Variants in MYH11 observed in about 807,000 individuals in gnomAD.
The protein encoded by MYH11 is myosin-11.
MYH11 carries 80 observed loss-of-function variants against 246.6 expected under a neutral mutation model. The ratio of observed to expected loss-of-function variants is 0.32; its 90% CI spans 0.27 to 0.39. The LOEUF is 0.39. Ranked by LOEUF, MYH11 falls within the 10% of genes least tolerant of loss-of-function variation. The pLI is 1.00. For missense variants in MYH11, 2,158 were observed against 2,546.8 expected, an observed-to-expected ratio of 0.85 and a Z score of 3.29; for synonymous variants, 1,071 against 1,015.5, an observed-to-expected ratio of 1.05 and a Z score of -1.04.
intron 2 of MYH11, among the ~76,000 whole-genome samples, chr16:15,831,464 G>GGTGTGTGT (rs59352444): frequency 0.23 from 33,111 of 145,436 alleles, 3,944 homozygotes; most frequent in Non-Finnish European, 0.25. Context: ...TTATGTTTGG[G>GGTGTGTGT]GTGTGTGTGT....
At chr16:15,841,310 G>A (rs2044044802) in intron 1 of MYH11, among the ~76,000 whole-genome samples, 1 of 152,108 alleles carries the variant, frequency 6.6e-6, no homozygotes, top group Non-Finnish European at 1.5e-5. Flanking sequence ...GCTAATTTTT[G>A]TATTTTTAGT....
intron 40 of MYH11, among the ~76,000 whole-genome samples, chr16:15,709,580 G>C (rs1350039222): frequency 6.6e-6 from 1 of 152,168 alleles, no homozygotes; most frequent in Non-Finnish European, 1.5e-5. Flanking sequence ...CTCCCAAAGA[G>C]CTGGGATTAC....
chr16:15,829,490 C>T (rs981310771), intron 2 of MYH11, among the ~76,000 whole-genome samples: 3 of 152,154 alleles, frequency 2.0e-5, no homozygotes, highest in Non-Finnish European at 4.4e-5. Context: ...GCTCTTCCTC[C>T]CACATTATTC....
chr16:15,784,774 A>G (rs1325756224), intron 5 of MYH11: 17 of 1,601,232 alleles, frequency 1.1e-5, no homozygotes, highest in Non-Finnish European at 1.5e-5. Flanking sequence ...CATCACATGG[A>G]CATCAGGGGC....
chr16:15,712,593 C>T (rs4781682), intron 40 of MYH11, among the ~76,000 whole-genome samples: 71,766 of 151,806 alleles, frequency 0.47, 18,211 homozygotes, highest in African/African-American at 0.67. Context: ...AAGACTCTGC[C>T]CAAAAGAGAA....
intron 3 of MYH11, among the ~76,000 whole-genome samples, chr16:15,815,430 C>A (rs182492782): frequency 6.6e-6 from 1 of 151,624 alleles, no homozygotes; most frequent in Non-Finnish European, 1.5e-5. Flanking sequence ...AAATTTAAAA[C>A]GCAATGGAAG....
intron 4 of MYH11, among the ~76,000 whole-genome samples, chr16:15,798,349 T>G (rs1389306437): frequency 6.6e-6 from 1 of 152,174 alleles, no homozygotes; most frequent in Admixed American, 6.5e-5. Context: ...ATATAAAATC[T>G]TTAGTTCAAG....
chr16:15,828,805 A>G (rs1453866704), intron 2 of MYH11, among the ~76,000 whole-genome samples: 1 of 146,814 alleles, frequency 6.8e-6, no homozygotes, highest in Non-Finnish European at 1.5e-5. Context: ...AAAAAAAAAG[A>G]AGGAAGGAAG....
intron 2 of MYH11, among the ~76,000 whole-genome samples, chr16:15,831,951 G>T (rs1420913116): frequency 6.6e-6 from 1 of 151,434 alleles, no homozygotes; most frequent in African/African-American, 2.4e-5. Flanking sequence ...AAAAAAAAAA[G>T]ATCAGAAGGG....
chr16:15,722,385 C>A (rs1232968947), intron 31 of MYH11, among the ~76,000 whole-genome samples: 1 of 152,164 alleles, frequency 6.6e-6, no homozygotes, highest in Admixed American at 6.5e-5. Context: ...AGAGAACATT[C>A]CATGCTCACG....
intron 4 of MYH11, among the ~76,000 whole-genome samples, chr16:15,788,333 A>G (rs2151309319): frequency 6.6e-6 from 1 of 151,764 alleles, no homozygotes; most frequent in Non-Finnish European, 1.5e-5. Flanking sequence ...TTAATACTCT[A>G]AAATATAAGA....
intron 3 of MYH11, among the ~76,000 whole-genome samples, chr16:15,813,274 A>G (rs1423491785): frequency 6.6e-6 from 1 of 152,144 alleles, no homozygotes; most frequent in African/African-American, 2.4e-5. Context: ...TGCTGAACCC[A>G]GGAGTTTGAG....
At chr16:15,711,341 A>T (rs1313215333) in intron 40 of MYH11, 1 of 152,012 alleles carries the variant, frequency 6.6e-6, no homozygotes, top group Admixed American at 6.6e-5. Context: ...TGTCAGAGAG[A>T]GTCTATTTGG....
intron 1 of MYH11, among the ~76,000 whole-genome samples, chr16:15,838,639 C>G (rs1217857209): frequency 6.6e-6 from 1 of 152,084 alleles, no homozygotes; most frequent in Non-Finnish European, 1.5e-5. Flanking sequence ...GTGGGCAAAT[C>G]ACTTGAGGCC....
intron 3 of MYH11, among the ~76,000 whole-genome samples, chr16:15,821,077 G>C (rs976769950): frequency 1.3e-5 from 2 of 152,102 alleles, no homozygotes; most frequent in Non-Finnish European, 2.9e-5. Context: ...TCGCCATATT[G>C]CCCAGGCTGG....
At chr16:15,754,984 C>G (rs1004061442) in intron 14 of MYH11, among the ~76,000 whole-genome samples, 8 of 152,240 alleles carry the variant, frequency 5.3e-5, no homozygotes, top group Admixed American at 5.2e-4. Flanking sequence ...CCAAGTCATA[C>G]AGTCTTTGTC....
chr16:15,732,520 A>G, intron 27 of MYH11, 44 bp downstream of exon 27: 2 of 1,613,888 alleles, frequency 1.2e-6, no homozygotes, highest in Non-Finnish European at 1.7e-6. Context: ...TGCTGATGTC[A>G]CTCTTATGTG....
intron 4 of MYH11, among the ~76,000 whole-genome samples, chr16:15,794,308 C>T (rs1353467897): frequency 6.6e-6 from 1 of 152,198 alleles, no homozygotes. Flanking sequence ...TCTTAAGCAC[C>T]AACTACGCGT....
At chr16:15,808,741 T>A (rs188162690) in intron 3 of MYH11, among the ~76,000 whole-genome samples, 209 of 152,098 alleles carry the variant, frequency 1.4e-3, no homozygotes, top group African/African-American at 4.9e-3. Context: ...AAATTTTTTT[T>A]AATTAGCTGT....
Sources: allele counts gnomAD v4.1 joint callset (sites outside exome capture counted in the v4.1 genomes callset), GRCh38; gene constraint gnomAD v4.1.1; transcripts MANE v1.5; gene names NCBI Gene and HGNC (gene_info 2026-07-23, HGNC 2026-07-21).